PIGB: variants seen among roughly 807,000 people sequenced by gnomAD.
The protein encoded by PIGB is phosphatidylinositol glycan anchor biosynthesis class B.
A neutral mutation model predicts 68.4 loss-of-function variants in PIGB; 58 were observed. That is an observed-to-expected ratio of 0.85 (90% CI 0.69 to 1.06). PIGB has a LOEUF of 1.06. PIGB is among the 50% of genes least tolerant of loss of function. The pLI, the probability that PIGB is intolerant of heterozygous loss-of-function variation, is 0.00. For missense variants in PIGB, 634 were observed against 655.8 expected (o/e 0.97, Z 0.36); for synonymous variants, 219 against 220.5 (o/e 0.99, Z 0.06).
chr15:55,323,500 G>C (rs2055212073), intron 3 of PIGB, among the ~76,000 whole-genome samples: 1 of 152,144 alleles, frequency 6.6e-6, no homozygotes, highest in Non-Finnish European at 1.5e-5. Flanking sequence ...GAGCTGCACT[G>C]TCCACCATGG....
At chr15:55,347,980 TTTC>T (rs2055835477) in intron 9 of PIGB, among the ~76,000 whole-genome samples, 1 of 141,114 alleles carries the variant, frequency 7.1e-6, no homozygotes, top group Non-Finnish European at 1.5e-5. Context: ...AGTGCCATAG[TTTC>T]TTTTTTTTTT....
Position 55,319,243 on chromosome 15 carries a change from G to T in PIGB, c.-8G>T. The T allele has an allele frequency of 1.2e-6, 2 of 1,602,172 alleles. No individual in the cohort carries two copies. The highest frequency in any genetic ancestry group is 1.7e-6 in the Non-Finnish European group (2 of 1,174,920). ...CTTTCTTCCGCCTTAGGAAGGTGGC[G>T]GCCAGGGATGAGGAGGCCCCTAAGC... is the stretch of plus-strand genomic sequence containing the variant. On this transcript the variant is annotated 5_prime_UTR_variant, in exon 1 of 12. Coordinates refer to ENST00000164305, the MANE Select transcript of PIGB (RefSeq NM_004855.5).
chr15:55,327,808 C>T (rs1205347336), intron 4 of PIGB, among the ~76,000 whole-genome samples, 173 bp downstream of exon 4: 1 of 152,196 alleles, frequency 6.6e-6, no homozygotes, highest in Non-Finnish European at 1.5e-5. Flanking sequence ...CATATCTTTC[C>T]TTCGGATTAA....
intron 2 of PIGB, 47 bp from the exon 3 acceptor site, chr15:55,321,226 G>A: frequency 1.4e-6 from 2 of 1,462,140 alleles, no homozygotes; most frequent in Non-Finnish European, 1.8e-6. Flanking sequence ...AAAAAACACG[G>A]AAATAGGTTT....
chr15:55,322,438 G>A (rs992699925), intron 3 of PIGB, among the ~76,000 whole-genome samples: 2 of 152,186 alleles, frequency 1.3e-5, no homozygotes, highest in Admixed American at 1.3e-4. Context: ...TCAGTTGCCA[G>A]GAGATAGTAC....
intron 1 of PIGB, chr15:55,319,757 C>T (rs537569127): frequency 9.8e-6 from 2 of 203,696 alleles, no homozygotes; most frequent in African/African-American, 4.7e-5. Context: ...TCAATTTGCT[C>T]GTCTGTAAAA....
Position 55,329,753 on chromosome 15 carries a change from A to C in PIGB, c.552A>C (p.Thr184=), listed in dbSNP as rs767133801. ...TTTGCCAGTTGTGCTCCTGGTTCAC[A>C]TGGTATTGCTGTACCAGAACCCTTA... ...VFFCQLCSWF[T]WYCCTRTLTN... The change falls in exon 5 of 12, where the codon ACA becomes ACC. Residue 184 remains threonine (T), a synonymous_variant. Transcript: ENST00000164305. The C allele has an allele frequency of 6.2e-7, 1 of 1,610,880 alleles. No homozygotes were observed. The highest frequency in any genetic ancestry group is 2.2e-5 in the East Asian group (1 of 44,824).
intron 1 of PIGB, 142 bp downstream of exon 1, chr15:55,319,555 A>C: frequency 1.6e-6 from 1 of 612,114 alleles, no homozygotes; most frequent in East Asian, 3.0e-5. Flanking sequence ...GGAAACACAG[A>C]TTTTAATATA....
chr15:55,351,176 C>T (rs745312665), intron 10 of PIGB, among the ~76,000 whole-genome samples: 55 of 147,594 alleles, frequency 3.7e-4, no homozygotes, highest in South Asian at 1.7e-3. Context: ...GGCGCGATCT[C>T]GGCTCACTGC....
intron 9 of PIGB, chr15:55,343,232 T>TA (rs2055712616): frequency 6.6e-6 from 1 of 152,136 alleles, no homozygotes; most frequent in Admixed American, 6.6e-5. Context: ...TGTAACCACA[T>TA]ACAAACGCAG....
In PIGB at chr15:55,333,916, G is replaced by A. The variant is rs2055479279; in HGVS notation, c.703G>A (p.Ala235Thr). The A allele has an allele frequency of 6.2e-7, 1 of 1,608,928 alleles. No individual in the cohort carries two copies. Among genetic ancestry groups the A allele is most frequent in the Non-Finnish European group, 8.5e-7 (1 of 1,177,604 alleles). The change falls in exon 6 of 12, where the codon GCT (alanine) becomes ACT (threonine). Residue 235 changes from alanine (A) to threonine (T), a missense_variant. Coordinates refer to ENST00000164305, the MANE Select transcript of PIGB (RefSeq NM_004855.5). ...VALAFIIRPT[A>T]VILWTPLLFR... ...ACTTGCCTTCATAATTCGTCCCACA[G>A]CTGTCATTCTGTGGACACCTTTGCT...
Position 55,329,839 on chromosome 15 carries a change from C to A in PIGB, c.638C>A (p.Ser213Ter). 1 of 1,590,612 alleles carries A rather than the reference C, an allele frequency of 6.3e-7. No individual in the cohort carries two copies. Among genetic ancestry groups the A allele is most frequent in the South Asian group, 1.1e-5 (1 of 89,626 alleles). ...CTTTTCTACTATCCTTTGGAAGGTT[C>A]AAAGTCTATGAACAGGTAAGAAAAA... The part of the protein sequence containing the change: ...IALFYYPLEG[S>*]KSMNSVKYSS... Residue 213 changes from serine (S) to a stop codon, truncating the protein, a stop_gained, in exon 5 of 12, where the codon TCA becomes TAA. Coordinates refer to ENST00000164305, the MANE Select transcript of PIGB (RefSeq NM_004855.5). LOFTEE classifies it high-confidence loss of function.
chr15:55,337,845 A>G (rs754434028), intron 6 of PIGB, among the ~76,000 whole-genome samples: 1 of 152,216 alleles, frequency 6.6e-6, no homozygotes, highest in Non-Finnish European at 1.5e-5. Flanking sequence ...TTGTAAAGGA[A>G]TGAACTACAG....
chr15:55,321,539 C>A, intron 3 of PIGB, 149 bp downstream of exon 3: 2 of 563,504 alleles, frequency 3.5e-6, no homozygotes, highest in East Asian at 3.1e-5. Flanking sequence ...TGCTGAAATA[C>A]AAGACTGAGC....
chr15:55,353,027 G>T (rs1049016237), intron 10 of PIGB, among the ~76,000 whole-genome samples: 1 of 152,164 alleles, frequency 6.6e-6, no homozygotes, highest in African/African-American at 2.4e-5. Context: ...CCTACTATAT[G>T]TATATGTGGC....
intron 8 of PIGB, among the ~76,000 whole-genome samples, chr15:55,341,531 ACAT>A (rs1415244452): frequency 6.6e-6 from 1 of 152,246 alleles, no homozygotes; most frequent in Admixed American, 6.5e-5. Context: ...TTTCAAATTG[ACAT>A]CATATTTTAT....
At chr15:55,349,936 T>C (rs1187023455) in intron 9 of PIGB, 2 of 152,240 alleles carry the variant, frequency 1.3e-5, no homozygotes, top group Non-Finnish European at 2.9e-5. Context: ...ATAGTGGCTG[T>C]TGCTGAAGAA....
intron 9 of PIGB, among the ~76,000 whole-genome samples, chr15:55,348,021 G>A (rs1477300138): frequency 3.2e-5 from 4 of 123,464 alleles, no homozygotes; most frequent in Admixed American, 1.2e-4. Flanking sequence ...ACGACATCTC[G>A]CTCTGTCACC....
In PIGB at chr15:55,350,703, C is replaced by T; in HGVS notation, c.1128C>T (p.Tyr376=). ...VLPFCMVFCG[Y]SLTHLKTWKK... Reference sequence around the variant, plus strand: ...AATATGTCTATCTTCATATAGGATACTCATTAACCCACCTGAAAACATGGA... The same window carrying T: ...AATATGTCTATCTTCATATAGGATATTCATTAACCCACCTGAAAACATGGA... Residue 376 remains tyrosine, a synonymous_variant, in exon 10 of 12, where the codon TAC becomes TAT. Transcript: ENST00000164305. 2 of 1,605,172 alleles carry T rather than the reference C, an allele frequency of 1.2e-6. No individual in the cohort carries two copies. Among genetic ancestry groups the T allele is most frequent in the Non-Finnish European group, 1.7e-6 (2 of 1,172,204 alleles).
Sources: allele counts gnomAD v4.1 joint callset (sites outside exome capture counted in the v4.1 genomes callset), GRCh38; gene constraint gnomAD v4.1.1; transcripts MANE v1.5; gene names NCBI Gene and HGNC (gene_info 2026-07-23, HGNC 2026-07-21).